Variants in ROBO2 observed in about 807,000 individuals in gnomAD.
ROBO2 encodes the protein roundabout guidance receptor 2.
ROBO2 carries 53 observed loss-of-function variants against 160.8 expected under a neutral mutation model. That is an observed-to-expected ratio of 0.33 (90% CI 0.26 to 0.41). ROBO2 has a LOEUF of 0.41. ROBO2 is among the 10% of genes least tolerant of loss of function. ROBO2 has a pLI of 1.00. For missense variants in ROBO2, 1,577 were observed against 1,722.4 expected, an observed-to-expected ratio of 0.92 and a Z score of 1.49; for synonymous variants, 664 against 611.7, an observed-to-expected ratio of 1.09 and a Z score of -1.26.
At chr3:77,468,026 T>A (rs2082966094) in intron 2 of ROBO2, among the ~76,000 whole-genome samples, 1 of 152,200 alleles carries the variant, frequency 6.6e-6, no homozygotes, top group Admixed American at 6.5e-5. Context: ...CATGCTATGT[T>A]TGGACACAAT....
At chr3:76,053,543 A>G (rs1028543138) in intron 2 of ROBO2, among the ~76,000 whole-genome samples, 4 of 152,068 alleles carry the variant, frequency 2.6e-5, no homozygotes, top group African/African-American at 9.7e-5. Flanking sequence ...ACATGAAAAC[A>G]TTTCTTTATA....
intron 2 of ROBO2, among the ~76,000 whole-genome samples, chr3:76,875,549 C>T (rs2072620322): frequency 6.6e-6 from 1 of 152,134 alleles, no homozygotes; most frequent in African/African-American, 2.4e-5. Context: ...CTGACTGGAT[C>T]TATTCCTTGC....
chr3:77,636,398 C>A (rs2095264566), intron 24 of ROBO2, among the ~76,000 whole-genome samples: 1 of 151,970 alleles, frequency 6.6e-6, no homozygotes, highest in East Asian at 1.9e-4. Context: ...TCAAAACCAT[C>A]CTGGTCAACA....
chr3:77,531,892 A>C (rs2091757668), intron 6 of ROBO2, among the ~76,000 whole-genome samples: 1 of 151,988 alleles, frequency 6.6e-6, no homozygotes, highest in African/African-American at 2.4e-5. Context: ...GAGAGCTCTT[A>C]ATGTTTCCTG....
In ROBO2 at chr3:77,550,994, G is replaced by A. The variant is rs760929065; in HGVS notation, c.1231+5G>A. 3.7e-6 allele frequency: 6 copies of A among 1,612,196 alleles called. No homozygotes were observed. Among genetic ancestry groups the A allele is most frequent in the Non-Finnish European group, 8.5e-7 (1 of 1,178,802 alleles). The stretch of plus-strand genomic sequence containing the variant: ...CTCAACTGGAGGTTACTGATGGTGC[G>A]ATATCTTTACTAGATTTGTCTTATG... On this transcript the variant is annotated splice_donor_5th_base_variant and intron_variant, in intron 8 of 25. Coordinates refer to ENST00000461745, the Ensembl canonical transcript of ROBO2.
At chr3:76,686,561 C>T (rs1364095340) in intron 2 of ROBO2, among the ~76,000 whole-genome samples, 2 of 151,942 alleles carry the variant, frequency 1.3e-5, no homozygotes, top group Non-Finnish European at 2.9e-5. Context: ...CTATGTAATC[C>T]CCATAAAGTC....
At chr3:77,571,064 A>T (rs1035074768) in intron 13 of ROBO2, among the ~76,000 whole-genome samples, 2 of 152,032 alleles carry the variant, frequency 1.3e-5, no homozygotes, top group Non-Finnish European at 2.9e-5. Context: ...AAAAATGATT[A>T]TTCTAGCTTT....
chr3:77,168,715 T>G (rs145065664), intron 2 of ROBO2, among the ~76,000 whole-genome samples: 1 of 152,198 alleles, frequency 6.6e-6, no homozygotes, highest in Non-Finnish European at 1.5e-5. Flanking sequence ...ACAAAAAGTC[T>G]GCTGAGTCTG....
At chr3:77,627,576 C>A (rs2095057062) in intron 23 of ROBO2, among the ~76,000 whole-genome samples, 1 of 152,066 alleles carries the variant, frequency 6.6e-6, no homozygotes, top group Non-Finnish European at 1.5e-5. Context: ...ATTACACATC[C>A]CTTTCTCTCT....
intron 2 of ROBO2, among the ~76,000 whole-genome samples, chr3:77,225,712 T>C (rs1463548140): frequency 6.6e-6 from 1 of 152,034 alleles, no homozygotes; most frequent in African/African-American, 2.4e-5. Flanking sequence ...TGTCAAACAA[T>C]TGCATGTAAT....
chr3:76,309,062 ATT>A (rs10617376), intron 2 of ROBO2, among the ~76,000 whole-genome samples: 1,768 of 152,048 alleles, frequency 0.012, 35 homozygotes, highest in African/African-American at 0.04. Flanking sequence ...TTTTTTTTTA[ATT>A]GCTAATCATG....
chr3:76,579,854 C>T (rs2085545153), intron 2 of ROBO2, among the ~76,000 whole-genome samples: 1 of 150,606 alleles, frequency 6.6e-6, no homozygotes, highest in South Asian at 2.1e-4. Flanking sequence ...TAGAAAATAC[C>T]ACCTGCCTTA....
intron 2 of ROBO2, among the ~76,000 whole-genome samples, chr3:77,119,850 A>T (rs1271668124): frequency 6.6e-6 from 1 of 152,234 alleles, no homozygotes; most frequent in Non-Finnish European, 1.5e-5. Flanking sequence ...ATGATTTTTC[A>T]TGTGAGCACA....
intron 2 of ROBO2, among the ~76,000 whole-genome samples, chr3:76,326,517 A>G (rs189460441): frequency 9.3e-5 from 14 of 151,260 alleles, no homozygotes; most frequent in African/African-American, 2.9e-4. Context: ...ACATACATAT[A>G]TGTATATTAC....
intron 2 of ROBO2, among the ~76,000 whole-genome samples, chr3:76,293,396 A>T (rs1052473929): frequency 1.3e-5 from 2 of 152,196 alleles, no homozygotes; most frequent in African/African-American, 4.8e-5. Flanking sequence ...CCAGAGGCCA[A>T]AGGGGCCAGA....
chr3:77,105,538 T>C (rs2072677776), intron 2 of ROBO2, among the ~76,000 whole-genome samples: 1 of 152,210 alleles, frequency 6.6e-6, no homozygotes, highest in African/African-American at 2.4e-5. Context: ...AATTTTGCCA[T>C]ACTCCATCAA....
chr3:77,204,569 T>C (rs62251832), intron 2 of ROBO2, among the ~76,000 whole-genome samples: 4,149 of 152,306 alleles, frequency 0.027, 65 homozygotes, highest in Middle Eastern at 0.054. Context: ...ATTTTGAAAC[T>C]TTTTAGACTT....
At chr3:77,395,939 AT>A (rs1472071279) in intron 2 of ROBO2, among the ~76,000 whole-genome samples, 2 of 151,366 alleles carry the variant, frequency 1.3e-5, no homozygotes, top group African/African-American at 4.9e-5. Flanking sequence ...TTTTAACTTA[AT>A]TGTGGAAGCA....
At chr3:76,438,021 A>G (rs1014385580) in intron 2 of ROBO2, among the ~76,000 whole-genome samples, 43 of 152,178 alleles carry the variant, frequency 2.8e-4, no homozygotes, top group Admixed American at 1.4e-3. Context: ...GCAAAAGGTT[A>G]AGCATATACA....
Sources: gnomAD v4.1 joint callset for allele counts (sites outside exome capture counted in the v4.1 genomes callset) on GRCh38, gnomAD v4.1.1 for gene constraint, MANE v1.5 for transcripts, NCBI Gene and HGNC (gene_info 2026-07-23, HGNC 2026-07-21) for gene names.